The following CCNH variants were observed in gnomAD, a reference collection of about 807,000 sequenced individuals.
CCNH encodes cyclin H.
A neutral mutation model predicts 41.9 loss-of-function variants in CCNH; 31 were observed. The ratio of observed to expected loss-of-function variants is 0.74; its 90% CI spans 0.56 to 1.00. CCNH has a LOEUF of 1.00. Among genes scored for constraint, CCNH ranks in the 50% least tolerant of loss-of-function variants. CCNH has a pLI of 0.00. For missense variants in CCNH, 362 were observed against 388.4 expected, an observed-to-expected ratio of 0.93 and a Z score of 0.57; for synonymous variants, 138 against 136.1, an observed-to-expected ratio of 1.01 and a Z score of -0.10.
chr5:87,411,258 G>C lies in CCNH; in HGVS notation c.206C>G (p.Ser69Trp). Reference protein sequence around the residue: ...YYEKRLLEFCSVFKPAMPRSV... With the variant: ...YYEKRLLEFCWVFKPAMPRSV... The stretch of plus-strand genomic sequence containing the variant: ...TCTTGGCATTGCTGGCTTAAACACC[G>C]AACAGAATTCCAATAACCTTTTCTC... Residue 69 changes from serine to tryptophan, a missense_variant, in exon 2 of 9, where the codon TCG (serine) becomes TGG (tryptophan). Ser to Trp is a radical substitution (Grantham distance 177). Transcript: ENST00000256897. The C allele has an allele frequency of 1.2e-6, 2 of 1,612,298 alleles. No homozygotes were observed. Among genetic ancestry groups the C allele is most frequent in the Non-Finnish European group, 8.5e-7 (1 of 1,179,254 alleles).
rs755881555 is a variant in CCNH at position 87,412,743 on chromosome 5, G to C, written c.52C>G (p.Gln18Glu). The C allele has an allele frequency of 6.2e-7, 1 of 1,614,212 alleles. No homozygotes were observed. The highest frequency in any genetic ancestry group is 8.5e-7 in the Non-Finnish European group (1 of 1,180,040). ...GCGTCAGCCCGCAGTCTTGCCAGCT[G>C]CTCCTCGCTGGAGAAGGTCCAGTGC... ...KRHWTFSSEEQLARLRADANR... is the reference protein window; with the variant it reads ...KRHWTFSSEEELARLRADANR... Residue 18 changes from glutamine to glutamate, a missense_variant, in exon 1 of 9, where the codon CAG becomes GAG. Gln to Glu is a conservative substitution (Grantham distance 29, BLOSUM62 2). Transcript: ENST00000256897.
chr5:87,394,548 A>AC, intron 8 of CCNH, 64 bp from the exon 9 acceptor site: 1 of 1,596,308 alleles, frequency 6.3e-7, no homozygotes, highest in Admixed American at 1.8e-5. Context: ...TTTACCTCTT[A>AC]CCTCCCTTTA....
At chr5:87,318,128 A>G (rs184405548), downstream of CCNH, among the ~76,000 whole-genome samples, 2 of 152,276 alleles carry the variant, frequency 1.3e-5, no homozygotes, top group Admixed American at 6.5e-5. Flanking sequence ...GTGCTTTCAT[A>G]TATCATATAG....
intron 4 of CCNH, among the ~76,000 whole-genome samples, chr5:87,407,364 T>C (rs1445406311): frequency 3.3e-5 from 5 of 152,190 alleles, no homozygotes; most frequent in Non-Finnish European, 1.5e-5. Context: ...GTTTGGCACA[T>C]AGAAGGTACC....
chr5:87,372,496 T>C (rs1761019883), downstream of CCNH, among the ~76,000 whole-genome samples: 1 of 152,174 alleles, frequency 6.6e-6, no homozygotes, highest in African/African-American at 2.4e-5. Flanking sequence ...TTTTGGCCTC[T>C]TTCAAAAAAG....
chr5:87,376,481 T>G lies in CCNH; in HGVS notation n.700A>C. Reference sequence around the variant, plus strand: ...TCAGCTCCCATATACCATTAAAAGGTATTGAACCAGGGTCCCTGCGTGTTC... The same window carrying G: ...TCAGCTCCCATATACCATTAAAAGGGATTGAACCAGGGTCCCTGCGTGTTC... On this transcript the variant is annotated non_coding_transcript_exon_variant, in exon 1 of 1. Transcript: ENST00000607486. The G allele has an allele frequency of 6.2e-7, 1 of 1,613,988 alleles. No individual in the cohort carries two copies. The highest frequency in any genetic ancestry group is 8.5e-7 in the Non-Finnish European group (1 of 1,179,980).
intron 9 of CCNH, among the ~76,000 whole-genome samples, chr5:87,365,677 A>G (rs977528686): frequency 2.0e-5 from 3 of 152,108 alleles, no homozygotes; most frequent in Admixed American, 6.6e-5. Context: ...CTAACACTGG[A>G]AAGTCATTAG....
downstream of CCNH, chr5:87,374,191 A>C: frequency 6.4e-7 from 1 of 1,564,880 alleles, no homozygotes; most frequent in Non-Finnish European, 8.7e-7. Flanking sequence ...CATATTGAAG[A>C]AGCCCATAAA....
chr5:87,405,693 T>A (rs532641992), intron 4 of CCNH, among the ~76,000 whole-genome samples: 18 of 152,194 alleles, frequency 1.2e-4, no homozygotes, highest in African/African-American at 3.9e-4. Flanking sequence ...ACTCATTTAC[T>A]TCACAGCTGT....
At chr5:87,361,463 G>T (rs1029893621) in intron 9 of CCNH, among the ~76,000 whole-genome samples, 3 of 152,122 alleles carry the variant, frequency 2.0e-5, no homozygotes, top group African/African-American at 7.2e-5. Flanking sequence ...GGATTGAATG[G>T]ATCCATGAAG....
At chr5:87,382,028 T>C (rs1454370027), upstream of CCNH, among the ~76,000 whole-genome samples, 1 of 152,172 alleles carries the variant, frequency 6.6e-6, no homozygotes, top group Admixed American at 6.5e-5. Flanking sequence ...TTCGGCTTAC[T>C]GCAACCCCCG....
At chr5:87,340,110 TTTG>T (rs1219571677) in intron 9 of CCNH, among the ~76,000 whole-genome samples, 1 of 152,118 alleles carries the variant, frequency 6.6e-6, no homozygotes, top group African/African-American at 2.4e-5. Flanking sequence ...TCAGAAAATG[TTTG>T]TTGAGTAAAT....
At chr5:87,338,168 A>G (rs1258821133) in intron 9 of CCNH, 1 of 1,591,288 alleles carries the variant, frequency 6.3e-7, no homozygotes, top group African/African-American at 1.4e-5. Flanking sequence ...AATCAGAGAA[A>G]GTAGCTATGA....
downstream of CCNH, chr5:87,374,343 A>C (rs760764502): frequency 1.3e-6 from 2 of 1,587,078 alleles, no homozygotes; most frequent in South Asian, 2.2e-5. Flanking sequence ...TTATCATTAC[A>C]TTAATCATTT....
chr5:87,393,937 G>GTAAC (rs1762713552), downstream of CCNH: 1 of 152,124 alleles, frequency 6.6e-6, no homozygotes, highest in African/African-American at 2.4e-5. Flanking sequence ...ATGTTTTCGG[G>GTAAC]TAACTAAAGA....
intron 6 of CCNH, 70 bp from the exon 7 acceptor site, chr5:87,399,575 A>G: frequency 1.0e-6 from 1 of 967,480 alleles, no homozygotes; most frequent in South Asian, 1.3e-5. Flanking sequence ...GGAGCTGGTT[A>G]CTTTTCCATT....
At chr5:87,397,843 G>C (rs934461663) in intron 7 of CCNH, among the ~76,000 whole-genome samples, 5 of 152,224 alleles carry the variant, frequency 3.3e-5, no homozygotes, top group Non-Finnish European at 7.3e-5. Context: ...CGGCCTTGCA[G>C]GCCCTATAAC....
chr5:87,339,993 T>G (rs1338865202), intron 9 of CCNH, among the ~76,000 whole-genome samples: 1 of 152,166 alleles, frequency 6.6e-6, no homozygotes, highest in East Asian at 1.9e-4. Flanking sequence ...CATTTATACT[T>G]TCATGTATTA....
intron 6 of CCNH, among the ~76,000 whole-genome samples, chr5:87,401,018 T>C (rs746881189): frequency 5.3e-5 from 8 of 152,224 alleles, no homozygotes; most frequent in Admixed American, 2.6e-4. Flanking sequence ...TTTCCTGACA[T>C]TGCTATTAAA....
Sources: gnomAD v4.1 joint callset for allele counts (sites outside exome capture counted in the v4.1 genomes callset) on GRCh38, gnomAD v4.1.1 for gene constraint, MANE v1.5 for transcripts, NCBI Gene and HGNC (gene_info 2026-07-23, HGNC 2026-07-21) for gene names.